The following DLC1 variants were observed in gnomAD, a reference collection of about 807,000 sequenced individuals.
DLC1 encodes DLC1 Rho GTPase activating protein.
DLC1 carries 54 observed loss-of-function variants against 140.3 expected under a neutral mutation model. The observed-to-expected ratio is 0.38, with a 90% CI of 0.31 to 0.48. The LOEUF (loss-of-function observed/expected upper bound fraction) is 0.48, where lower values mean the gene tolerates loss of function less well. DLC1 is among the 20% of genes least tolerant of loss of function. DLC1 has a pLI of 0.96. For synonymous variants in DLC1, 986 were observed against 728.1 expected, an observed-to-expected ratio of 1.35 and a Z score of -5.70; for missense variants, 2,536 against 1,907.0, an observed-to-expected ratio of 1.33 and a Z score of -6.14.
In DLC1 at chr8:13,447,229, G is replaced by C. The variant is rs141095724; in HGVS notation, c.1024-45610C>G. 1.9e-3 allele frequency among the ~76,000 whole-genome samples: 283 copies of C among 152,216 alleles called. 2 individuals are homozygous for C. The highest frequency in any genetic ancestry group is 2.0e-3 in the Non-Finnish European group (134 of 68,010). ...TGGTTACAAAATGTTTACCTTGGCA[G>C]TCTACTCATTTCCCTTACTGAGATT... On this transcript the variant is annotated intron_variant, in intron 2 of 17. Coordinates refer to ENST00000276297, the MANE Select transcript of DLC1 (RefSeq NM_182643.3).
chr8:13,557,188 T>C (rs1340492791), intron 1 of DLC1, among the ~76,000 whole-genome samples: 1 of 152,192 alleles, frequency 6.6e-6, no homozygotes, highest in African/African-American at 2.4e-5. Flanking sequence ...ATAAAACCTT[T>C]AAACTGTGTT....
intron 2 of DLC1, among the ~76,000 whole-genome samples, chr8:13,466,548 G>T (rs1473341129): frequency 6.6e-6 from 1 of 152,150 alleles, no homozygotes; most frequent in Non-Finnish European, 1.5e-5. Context: ...CCTGGTCACA[G>T]GTCAGATACT....
At chr8:13,497,131 C>T (rs1801554077) in intron 2 of DLC1, among the ~76,000 whole-genome samples, 1 of 152,072 alleles carries the variant, frequency 6.6e-6, no homozygotes, top group African/African-American at 2.4e-5. Flanking sequence ...CAAATGTAGA[C>T]TGTTTCATTT....
chr8:13,259,139 G>GAAA (rs776038964), intron 5 of DLC1, among the ~76,000 whole-genome samples: 35 of 66,468 alleles, frequency 5.3e-4, no homozygotes, highest in Non-Finnish European at 7.1e-4. Context: ...TCCGTCTCAA[G>GAAA]AAAAAAAAAA....
chr8:13,315,888 A>T (rs1832843585), intron 4 of DLC1, among the ~76,000 whole-genome samples: 1 of 152,226 alleles, frequency 6.6e-6, no homozygotes, highest in African/African-American at 2.4e-5. Flanking sequence ...CATTAAAATT[A>T]TTCAGAGTGG....
Position 13,500,079 on chromosome 8 carries a change from T to C in DLC1, c.-8A>G, listed in dbSNP as rs978474200. ...TCTGATAGCTACAGACATGTCATCG[T>C]AGTTTAACAACAGACAGAGAGATAT... is the stretch of plus-strand genomic sequence containing the variant. On this transcript the variant is annotated 5_prime_UTR_variant, in exon 2 of 18. Transcript: ENST00000276297. 6.2e-6 allele frequency: 10 copies of C among 1,605,976 alleles called. No individual in the cohort carries two copies. Among genetic ancestry groups the C allele is most frequent in the Non-Finnish European group, 7.7e-6 (9 of 1,174,116 alleles).
chr8:13,460,739 A>G (rs1403983949), intron 2 of DLC1, among the ~76,000 whole-genome samples: 1 of 152,208 alleles, frequency 6.6e-6, no homozygotes. Context: ...GGGTAAAAGG[A>G]GTTACTACAC....
chr8:13,138,257 G>C (rs932224481), intron 5 of DLC1, among the ~76,000 whole-genome samples: 1 of 152,124 alleles, frequency 6.6e-6, no homozygotes, highest in South Asian at 2.1e-4. Flanking sequence ...CCATCATTAG[G>C]GCTTAGTGGC....
intron 2 of DLC1, among the ~76,000 whole-genome samples, chr8:13,446,580 A>G (rs1163027754): frequency 1.3e-5 from 2 of 152,144 alleles, no homozygotes; most frequent in South Asian, 2.1e-4. Flanking sequence ...GAAGGAAAAA[A>G]GAGAAAGAAA....
chr8:13,115,740 A>G (rs1303907163), intron 5 of DLC1, 83 bp from the exon 6 acceptor site: 1 of 1,299,074 alleles, frequency 7.7e-7, no homozygotes, highest in African/African-American at 1.5e-5. Flanking sequence ...TCGTTTTATG[A>G]TACAAGCAAA....
intron 2 of DLC1, among the ~76,000 whole-genome samples, chr8:13,416,601 T>C (rs1838072477): frequency 6.6e-6 from 1 of 152,086 alleles, no homozygotes; most frequent in Non-Finnish European, 1.5e-5. Context: ...CAAATAGAAA[T>C]AAAACAGACC....
chr8:13,090,652 C>A (rs972884747), intron 14 of DLC1, among the ~76,000 whole-genome samples, 182 bp from the exon 15 acceptor site: 1 of 152,146 alleles, frequency 6.6e-6, no homozygotes, highest in African/African-American at 2.4e-5. Context: ...GAACAGATCA[C>A]CTCCATAAAT....
intron 4 of DLC1, among the ~76,000 whole-genome samples, chr8:13,383,968 A>C (rs777767321): frequency 6.6e-6 from 1 of 152,218 alleles, no homozygotes; most frequent in African/African-American, 2.4e-5. Flanking sequence ...GATTAGCTGC[A>C]TAACAACCCC....
chr8:13,407,384 T>C (rs1166612875), intron 2 of DLC1, among the ~76,000 whole-genome samples: 3 of 152,166 alleles, frequency 2.0e-5, no homozygotes, highest in African/African-American at 7.2e-5. Context: ...CCCCTCTTTC[T>C]ACAAATGCTC....
chr8:13,509,389 G>A (rs180930592), intron 1 of DLC1, among the ~76,000 whole-genome samples: 123 of 152,238 alleles, frequency 8.1e-4, no homozygotes, highest in African/African-American at 2.9e-3. Flanking sequence ...CTGTTAGCTT[G>A]GTGTCCTACC....
rs145103991 is a variant in DLC1, at chr8:13,487,099, A to T, written c.1023+11950T>A. On this transcript the variant is annotated intron_variant, in intron 2 of 17. Coordinates refer to ENST00000276297, the MANE Select transcript of DLC1 (RefSeq NM_182643.3). ...GGAAATGTGGAATCAGAGCACAATT[A>T]GTCGACTTACTAATGTAGTGCCTGC... Among the ~76,000 whole-genome samples the T allele has an allele frequency of 7.0e-3, 1,072 of 152,286 alleles. 11 individuals are homozygous for T. Among genetic ancestry groups the T allele is most frequent in the Non-Finnish European group, 0.012 (787 of 68,008 alleles).
intron 4 of DLC1, among the ~76,000 whole-genome samples, chr8:13,316,245 C>G (rs533793706): frequency 1.1e-4 from 16 of 152,224 alleles, no homozygotes; most frequent in Non-Finnish European, 1.8e-4. Flanking sequence ...GTAGGACTCA[C>G]AGAGTCTGAC....
chr8:13,307,112 A>C (rs1586106195), intron 4 of DLC1, among the ~76,000 whole-genome samples: 2 of 143,482 alleles, frequency 1.4e-5, no homozygotes, highest in South Asian at 4.6e-4. Context: ...AAAAAGGTAG[A>C]GATGGGGGGA....
chr8:13,214,327 T>C (rs1828088539), intron 5 of DLC1: 2 of 276,292 alleles, frequency 7.2e-6, no homozygotes. Flanking sequence ...ATCCTTACAT[T>C]GTTTCCCGGG....
Sources: gnomAD v4.1 joint callset for allele counts (sites outside exome capture counted in the v4.1 genomes callset) on GRCh38, gnomAD v4.1.1 for gene constraint, MANE v1.5 for transcripts, NCBI Gene and HGNC (gene_info 2026-07-23, HGNC 2026-07-21) for gene names.